The following NELL2 variants were observed in gnomAD, a reference collection of about 807,000 sequenced individuals.
NELL2 encodes the protein neural EGFL like 2.
NELL2 carries 41 observed loss-of-function variants against 109.6 expected under a neutral mutation model. The observed-to-expected ratio is 0.37, with a 90% CI of 0.29 to 0.49. The LOEUF (loss-of-function observed/expected upper bound fraction) is 0.49, where lower values mean the gene tolerates loss of function less well. Ranked by LOEUF, NELL2 falls within the 20% of genes least tolerant of loss-of-function variation. The probability of loss-of-function intolerance (pLI) is 0.98; values close to 1 mark genes in which losing one functional copy is unlikely to be tolerated. For synonymous variants in NELL2, 355 were observed against 344.7 expected, an observed-to-expected ratio of 1.03 and a Z score of -0.33; for missense variants, 900 against 1,008.3, an observed-to-expected ratio of 0.89 and a Z score of 1.45.
chr12:44,728,344 T>G (rs375241129), intron 9 of NELL2, among the ~76,000 whole-genome samples: 6 of 152,148 alleles, frequency 3.9e-5, no homozygotes, highest in Admixed American at 1.3e-4. Flanking sequence ...AATAACTGAA[T>G]TGAAAAATCC....
intron 1 of NELL2, among the ~76,000 whole-genome samples, chr12:44,912,450 A>C (rs1373296116): frequency 2.6e-5 from 4 of 152,120 alleles, no homozygotes; most frequent in African/African-American, 9.6e-5. Flanking sequence ...ATACACACTG[A>C]AAATCTCAAA....
intron 12 of NELL2, among the ~76,000 whole-genome samples, chr12:44,667,582 G>A (rs1255745775): frequency 3.3e-5 from 5 of 152,190 alleles, no homozygotes; most frequent in Admixed American, 6.5e-5. Context: ...CCACTAAGTA[G>A]GGTGAGGATT....
chr12:44,865,734 AGC>A lies in NELL2; in HGVS notation c.184+9489_184+9490del, dbSNP rs1316691706. Among the ~76,000 whole-genome samples, 17 of 127,690 alleles carry A rather than the reference AGC, an allele frequency of 1.3e-4. 1 individual carries two copies. The South Asian group carries it at 2.1e-3, about 16-fold the overall frequency. The allele number at this position is 127,690 out of a possible 152,430, so 83.8% of individuals were successfully genotyped here. On this transcript the variant is annotated intron_variant, in intron 2 of 19. Transcript: ENST00000429094. ...TGATAGATGACACGTTAGTGGGTGC[AGC>A]GCACCAGCATGGCACATGTATACAT...
At chr12:44,752,126 A>T (rs1940679311) in intron 9 of NELL2, among the ~76,000 whole-genome samples, 1 of 152,230 alleles carries the variant, frequency 6.6e-6, no homozygotes, top group Non-Finnish European at 1.5e-5. Flanking sequence ...TTATGCTGCC[A>T]TTCTACTTTA....
At chr12:44,615,388 C>T (rs1367420515) in intron 13 of NELL2, among the ~76,000 whole-genome samples, 2 of 152,086 alleles carry the variant, frequency 1.3e-5, no homozygotes, top group African/African-American at 4.8e-5. Context: ...GTGCTTACTA[C>T]ATATCACATA....
In NELL2 at chr12:44,596,597, T is replaced by C. The variant is rs114206029; in HGVS notation, c.1663+10572A>G. On this transcript the variant is annotated intron_variant, in intron 15 of 19. Transcript: ENST00000429094. Reference sequence around the variant, plus strand: ...TCATGAAACAGGTTTTTTTTTCTTCTTTAAACTACTATTATTTTTTGGAGA... The same window carrying C: ...TCATGAAACAGGTTTTTTTTTCTTCCTTAAACTACTATTATTTTTTGGAGA... Among the ~76,000 whole-genome samples, 733 of 152,274 alleles carry C rather than the reference T, an allele frequency of 4.8e-3. 7 individuals are homozygous for C. The highest frequency in any genetic ancestry group is 0.015 in the African/African-American group (624 of 41,548).
chr12:44,810,660 A>G (rs192098567), intron 3 of NELL2, among the ~76,000 whole-genome samples: 3 of 152,260 alleles, frequency 2.0e-5, no homozygotes, highest in African/African-American at 7.2e-5. Context: ...CCCTAAAGCC[A>G]GTAGGCAAGC....
chr12:44,831,411 A>G (rs1943883716), intron 2 of NELL2, among the ~76,000 whole-genome samples: 1 of 152,190 alleles, frequency 6.6e-6, no homozygotes, highest in Non-Finnish European at 1.5e-5. Flanking sequence ...TATTCAGTAT[A>G]TATTACATAA....
At chr12:44,718,706 T>A (rs1318352407) in intron 9 of NELL2, among the ~76,000 whole-genome samples, 1 of 152,178 alleles carries the variant, frequency 6.6e-6, no homozygotes, top group Non-Finnish European at 1.5e-5. Flanking sequence ...TCTAGGGAGA[T>A]GTACTTAATT....
chr12:44,529,579 C>G (rs118187872), intron 16 of NELL2, among the ~76,000 whole-genome samples: 301 of 151,898 alleles, frequency 2.0e-3, no homozygotes, highest in Non-Finnish European at 3.6e-3. Flanking sequence ...GGGGCATTTG[C>G]GAGAGTGAAA....
intron 3 of NELL2, among the ~76,000 whole-genome samples, chr12:44,796,471 G>A (rs138334793): frequency 0.014 from 2,193 of 151,966 alleles, 51 homozygotes; most frequent in African/African-American, 0.05. Context: ...CTTACATTAA[G>A]CCCTAAAGAA....
intron 12 of NELL2, among the ~76,000 whole-genome samples, chr12:44,666,980 C>T (rs1309696725): frequency 6.6e-6 from 1 of 152,150 alleles, no homozygotes; most frequent in Non-Finnish European, 1.5e-5. Context: ...ATCTTGTTTA[C>T]CGGTAGATTA....
chr12:44,713,557 A>G (rs1437903296), intron 10 of NELL2, among the ~76,000 whole-genome samples: 1 of 151,974 alleles, frequency 6.6e-6, no homozygotes, highest in Non-Finnish European at 1.5e-5. Flanking sequence ...CTGTGCCTCT[A>G]TTCTCTAAGA....
chr12:44,640,466 A>C (rs1250619738), intron 13 of NELL2, among the ~76,000 whole-genome samples: 2 of 151,934 alleles, frequency 1.3e-5, no homozygotes, highest in East Asian at 3.9e-4. Context: ...TATAAGCTTT[A>C]AGTAATTTAT....
At chr12:44,889,407 T>C (rs1435436588) in intron 1 of NELL2, among the ~76,000 whole-genome samples, 1 of 152,004 alleles carries the variant, frequency 6.6e-6, no homozygotes, top group Non-Finnish European at 1.5e-5. Context: ...TATCCCACCA[T>C]GCAGCCCTTA....
chr12:44,550,414 A>ATT (rs34399603), intron 15 of NELL2, among the ~76,000 whole-genome samples: 131 of 146,240 alleles, frequency 9.0e-4, no homozygotes, highest in South Asian at 1.5e-3. Flanking sequence ...TGCCAGGCTA[A>ATT]TTTTTTTTTT....
intron 1 of NELL2, among the ~76,000 whole-genome samples, chr12:44,913,186 T>C (rs1447652963): frequency 6.6e-6 from 1 of 152,146 alleles, no homozygotes; most frequent in African/African-American, 2.4e-5. Flanking sequence ...CCTGTTTAGA[T>C]ATAGGTGAAA....
At chr12:44,687,033 A>G (rs1361716063) in intron 12 of NELL2, among the ~76,000 whole-genome samples, 6 of 152,062 alleles carry the variant, frequency 3.9e-5, no homozygotes, top group Non-Finnish European at 8.8e-5. Context: ...TTGATCTCAG[A>G]CTGCTATGCT....
intron 15 of NELL2, among the ~76,000 whole-genome samples, chr12:44,602,738 T>C: frequency 6.6e-6 from 1 of 152,098 alleles, no homozygotes; most frequent in East Asian, 1.9e-4. Context: ...TTTTTAGACT[T>C]CGTATGTAAA....
Sources: allele counts gnomAD v4.1 joint callset (sites outside exome capture counted in the v4.1 genomes callset), GRCh38; gene constraint gnomAD v4.1.1; transcripts MANE v1.5; gene names NCBI Gene and HGNC (gene_info 2026-07-23, HGNC 2026-07-21).